Variants in AP3S2 observed in about 807,000 individuals in gnomAD.
The protein encoded by AP3S2 is AP-3 complex subunit sigma-2.
Under a neutral mutation model 23.4 loss-of-function variants are expected in AP3S2, and 22 were observed. That is an observed-to-expected ratio of 0.94 (90% CI 0.67 to 1.34). The LOEUF is 1.34. Among genes scored for constraint, AP3S2 ranks in the 40% most tolerant of loss-of-function variants. The pLI is 0.00. For synonymous variants in AP3S2, 86 were observed against 87.1 expected (o/e 0.99, Z 0.07); for missense variants, 241 against 236.9 (o/e 1.02, Z -0.11).
chr15:89,885,747 G>A (rs929513280), intron 3 of AP3S2, among the ~76,000 whole-genome samples: 1 of 151,518 alleles, frequency 6.6e-6, no homozygotes, highest in Non-Finnish European at 1.5e-5. Context: ...TTCGAGACCA[G>A]CCTGGACAAC....
intron 3 of AP3S2, among the ~76,000 whole-genome samples, chr15:89,872,523 A>T (rs1251126615): frequency 6.6e-6 from 1 of 152,230 alleles, no homozygotes; most frequent in Non-Finnish European, 1.5e-5. Context: ...GTATCTATCT[A>T]TAACTGTTTA....
intron 3 of AP3S2, among the ~76,000 whole-genome samples, chr15:89,873,289 T>C (rs1262834167): frequency 6.6e-6 from 1 of 150,506 alleles, no homozygotes; most frequent in African/African-American, 2.4e-5. Flanking sequence ...CTGTCTTCTT[T>C]TTTTTTTTTT....
At chr15:89,876,165 C>G (rs776745876) in intron 3 of AP3S2, among the ~76,000 whole-genome samples, 12 of 152,138 alleles carry the variant, frequency 7.9e-5, no homozygotes, top group Non-Finnish European at 1.6e-4. Flanking sequence ...CACCTGTAAT[C>G]CCAGCACTTT....
intron 3 of AP3S2, among the ~76,000 whole-genome samples, chr15:89,885,611 T>C (rs1329973834): frequency 1.3e-5 from 2 of 152,236 alleles, no homozygotes; most frequent in Admixed American, 6.5e-5. Context: ...ATCTTCTTTA[T>C]ATCAATTAGG....
At chr15:89,837,539 C>A in intron 5 of AP3S2, 76 bp downstream of exon 5, 1 of 1,554,814 alleles carries the variant, frequency 6.4e-7, no homozygotes. Flanking sequence ...CAACACAAAC[C>A]AACACATGTA....
chr15:89,843,014 C>G (rs1596188161), intron 4 of AP3S2, among the ~76,000 whole-genome samples: 3 of 151,842 alleles, frequency 2.0e-5, no homozygotes, highest in Non-Finnish European at 4.4e-5. Flanking sequence ...GACAGAGTTT[C>G]ACTCTTGTTA....
At chr15:89,855,088 G>A (rs1406045259) in intron 4 of AP3S2, among the ~76,000 whole-genome samples, 7 of 141,096 alleles carry the variant, frequency 5.0e-5, no homozygotes, top group East Asian at 2.1e-4. Flanking sequence ...ACAGAAAGGC[G>A]GGAAAGGTGG....
Position 89,832,174 on chromosome 15 carries a change from T to C in AP3S2, c.*3341A>G, listed in dbSNP as rs1416942460. On this transcript the variant is annotated 3_prime_UTR_variant, in exon 6 of 6. Transcript: ENST00000336418. ...AAACCCAGTATTTGGCCAGGTCCAGTGGCTCACACCTGTAATCCCAACATG... is the reference window on the plus strand; with the variant it reads ...AAACCCAGTATTTGGCCAGGTCCAGCGGCTCACACCTGTAATCCCAACATG... The C allele has an allele frequency of 6.6e-6, 1 of 152,216 alleles. No homozygotes were observed. Among genetic ancestry groups the C allele is most frequent in the Non-Finnish European group, 1.5e-5 (1 of 68,046 alleles). 9.4% of individuals were successfully genotyped at this position (152,216 alleles called of 1,614,324 possible). A position where few individuals can be genotyped will look rare whatever the true frequency, so the allele number is the denominator to read the frequency against.
chr15:89,847,194 T>C (rs983919892), intron 4 of AP3S2, among the ~76,000 whole-genome samples: 4 of 151,408 alleles, frequency 2.6e-5, no homozygotes, highest in African/African-American at 7.3e-5. Context: ...CTGGGCAACA[T>C]AGTGAGACCT....
chr15:89,874,427 G>A (rs866580970), intron 3 of AP3S2, among the ~76,000 whole-genome samples: 6 of 152,010 alleles, frequency 3.9e-5, no homozygotes, highest in Non-Finnish European at 8.8e-5. Flanking sequence ...ATTTCACCTG[G>A]GTGCAGTCTT....
intron 4 of AP3S2, among the ~76,000 whole-genome samples, chr15:89,868,916 C>T: frequency 1.4e-5 from 2 of 144,290 alleles, no homozygotes; most frequent in Admixed American, 6.7e-5. Context: ...AGCCCCTCTG[C>T]CCGGCCAGCC....
In AP3S2 at chr15:89,833,190, T is replaced by C. The variant is rs1006335571; in HGVS notation, c.*2325A>G. ...CAACATAACATTTACCACCTTGGGC[T>C]TCGGCTTCAACATCAGTTAAATGGA... On this transcript the variant is annotated 3_prime_UTR_variant, in exon 6 of 6. Coordinates refer to ENST00000336418, the MANE Select transcript of AP3S2 (RefSeq NM_005829.5). 2.6e-5 allele frequency: 4 copies of C among 152,232 alleles called. No homozygotes were observed. The highest frequency in any genetic ancestry group is 5.9e-5 in the Non-Finnish European group (4 of 68,042). 9.4% of individuals were successfully genotyped at this position (152,232 alleles called of 1,614,324 possible).
chr15:89,861,476 T>G (rs1263752518), intron 4 of AP3S2, among the ~76,000 whole-genome samples: 1 of 152,166 alleles, frequency 6.6e-6, no homozygotes, highest in African/African-American at 2.4e-5. Context: ...CAAAATTCAA[T>G]TCACCATAAT....
intron 3 of AP3S2, chr15:89,878,311 C>CA: frequency 4.6e-6 from 3 of 649,234 alleles, no homozygotes; most frequent in Non-Finnish European, 8.2e-6. Context: ...CTACATAAAG[C>CA]AAAAAGACCA....
intron 3 of AP3S2, among the ~76,000 whole-genome samples, chr15:89,885,147 T>C (rs1037883957): frequency 6.6e-6 from 1 of 152,090 alleles, no homozygotes; most frequent in Admixed American, 6.6e-5. Context: ...TATTTCATCC[T>C]AATATTATTT....
chr15:89,855,677 C>T (rs1249994110), intron 4 of AP3S2, among the ~76,000 whole-genome samples: 19 of 125,098 alleles, frequency 1.5e-4, no homozygotes, highest in East Asian at 8.9e-4. Flanking sequence ...GGAGAAACCC[C>T]GTCTCTACTA....
rs890647811 is a variant in AP3S2 at position 89,833,907 on chromosome 15, A to T, written c.*1608T>A. Reference sequence around the variant, plus strand: ...CCTCTCAGACCTGCCCTGCAACAGCATCAGGAGGCTGAGGGTCCCCAGCCA... The same window carrying T: ...CCTCTCAGACCTGCCCTGCAACAGCTTCAGGAGGCTGAGGGTCCCCAGCCA... On this transcript the variant is annotated 3_prime_UTR_variant, in exon 6 of 6. Coordinates refer to ENST00000336418, the MANE Select transcript of AP3S2 (RefSeq NM_005829.5). 7.2e-5 allele frequency: 11 copies of T among 152,270 alleles called. No individual in the cohort carries two copies. Among genetic ancestry groups the T allele is most frequent in the African/African-American group, 2.7e-4 (11 of 41,478 alleles). 9.4% of individuals were successfully genotyped at this position (152,270 alleles called of 1,614,324 possible).
rs994093153 is a variant in AP3S2, at chr15:89,886,348, A to T, written c.273+2173T>A. The T allele has an allele frequency of 5.3e-5, 8 of 152,340 alleles. No homozygotes were observed. In the East Asian group the frequency reaches 5.8e-4, roughly 11 times the overall value. The allele number at this position is 152,340 out of a possible 1,614,324, so 9.4% of individuals were successfully genotyped here. On this transcript the variant is annotated intron_variant, in intron 3 of 5. Coordinates refer to ENST00000336418, the MANE Select transcript of AP3S2 (RefSeq NM_005829.5). ...AACAGAGCAAGACTCCATCTCAAAA[A>T]AAATAAATAAATAAAAAAGTAAAAA...
At chr15:89,859,614 C>T (rs1596201822) in intron 4 of AP3S2, among the ~76,000 whole-genome samples, 1 of 151,662 alleles carries the variant, frequency 6.6e-6, no homozygotes, top group African/African-American at 2.4e-5. Flanking sequence ...AGGCTGGTCT[C>T]GAACTCCTGA....
Sources: gnomAD v4.1 joint callset for allele counts (sites outside exome capture counted in the v4.1 genomes callset) on GRCh38, gnomAD v4.1.1 for gene constraint, MANE v1.5 for transcripts, NCBI Gene and HGNC (gene_info 2026-07-23, HGNC 2026-07-21) for gene names.